Variants in MIIP observed in about 807,000 individuals in gnomAD.
MIIP encodes the protein migration and invasion-inhibitory protein.
A neutral mutation model predicts 44.8 loss-of-function variants in MIIP; 44 were observed. That is an observed-to-expected ratio of 0.98 (90% CI 0.77 to 1.26). The LOEUF (loss-of-function observed/expected upper bound fraction) is 1.26. Among genes scored for constraint, MIIP ranks in the 50% most tolerant of loss-of-function variants. MIIP has a pLI of 0.00. For synonymous variants in MIIP, 225 were observed against 218.3 expected (o/e 1.03, Z -0.27); for missense variants, 496 against 511.7 (o/e 0.97, Z 0.30).
intron 7 of MIIP, 60 bp from the exon 8 acceptor site, chr1:12,029,968 G>A: frequency 6.2e-7 from 1 of 1,609,492 alleles, no homozygotes; most frequent in Non-Finnish European, 8.5e-7. Flanking sequence ...GATGGGCCTG[G>A]GCGTGGGCCC....
rs745902184 is a variant in MIIP, at chr1:12,030,010, C to T, written c.846-18C>T. On this transcript the variant is annotated intron_variant, in intron 7 of 9. Transcript: ENST00000235332. The stretch of plus-strand genomic sequence containing the variant: ...GCTGGGAGGCTCCTCAGGGGTCCCC[C>T]ACTGCCCCCCTGCGCAGGGTGAGCA... 4 of 1,610,986 alleles carry T rather than the reference C, an allele frequency of 2.5e-6. No homozygotes were observed. The Admixed American group carries it at 5.0e-5, about 20-fold the overall frequency.
chr1:12,022,980 C>T, intron 4 of MIIP, 63 bp downstream of exon 4: 1 of 1,328,664 alleles, frequency 7.5e-7, no homozygotes, highest in Non-Finnish European at 1.1e-6. Flanking sequence ...GCCTGGGATC[C>T]TCCATGCTCC....
chr1:12,027,240 T>C (rs946424562), intron 4 of MIIP, among the ~76,000 whole-genome samples: 8 of 152,138 alleles, frequency 5.3e-5, no homozygotes, highest in Admixed American at 1.3e-4. Flanking sequence ...GAACTCCCGA[T>C]GTCAAGTGAT....
chr1:12,029,890 G>C lies in MIIP; in HGVS notation c.841G>C (p.Val281Leu). The C allele has an allele frequency of 6.2e-7, 1 of 1,612,740 alleles. No individual in the cohort carries two copies. Among genetic ancestry groups the C allele is most frequent in the Non-Finnish European group, 8.5e-7 (1 of 1,179,236 alleles). Residue 281 changes from valine (V) to leucine (L), a missense_variant, in exon 7 of 10, where the codon GTC (valine) becomes CTC (leucine). Physicochemically the swap from Val to Leu is conservative, Grantham distance 32. Transcript: ENST00000235332. ...TGGGACCCTGGCGCAGCCAGCGCAC[G>C]TCAGGTGAGTGACCAGAGTATTGGG... ...GPGTLAQPAH[V>L]RVSIPLSILE... is the part of the protein sequence containing the mutation.
chr1:12,021,663 G>A lies in MIIP; in HGVS notation c.-64G>A, dbSNP rs1639977161. ...ACTTCAGGTAGAAGAGCTGGGCCTGGAACCCAGCCCTGAGGACATCCTGCG... is the reference window on the plus strand; with the variant it reads ...ACTTCAGGTAGAAGAGCTGGGCCTGAAACCCAGCCCTGAGGACATCCTGCG... On this transcript the variant is annotated 5_prime_UTR_variant, in exon 2 of 10. Coordinates refer to ENST00000235332, the MANE Select transcript of MIIP (RefSeq NM_021933.4). The A allele has an allele frequency of 4.8e-6, 7 of 1,465,540 alleles. No individual in the cohort carries two copies. The South Asian group carries it at 8.2e-5, about 17-fold the overall frequency. The allele number at this position is 1,465,540 out of a possible 1,614,324, so 90.8% of individuals were successfully genotyped here. A position where few individuals can be genotyped will look rare whatever the true frequency, so the allele number is the denominator to read the frequency against.
chr1:12,024,467 G>A (rs763279425), intron 4 of MIIP, among the ~76,000 whole-genome samples: 27 of 152,184 alleles, frequency 1.8e-4, no homozygotes, highest in Non-Finnish European at 2.6e-4. Context: ...AGGCTAGAGT[G>A]CAATGGCGTG....
chr1:12,031,735 A>T lies in MIIP; in HGVS notation c.1094A>T (p.Gln365Leu). 2.5e-6 allele frequency: 4 copies of T among 1,614,022 alleles called. No homozygotes were observed. Among genetic ancestry groups the T allele is most frequent in the African/African-American group, 1.3e-5 (1 of 75,004 alleles). Reference sequence around the variant, plus strand: ...TTCCCCATCCAGGCCTCACCAATGCAGATGCTGCCCCCGACCCCGACCTGG... The same window carrying T: ...TTCCCCATCCAGGCCTCACCAATGCTGATGCTGCCCCCGACCCCGACCTGG... ...SSPFHPASPM[Q>L]MLPPTPTWSV... The change falls in exon 10 of 10, where the codon CAG (glutamine) becomes CTG (leucine). Residue 365 changes from glutamine to leucine, a missense_variant. Coordinates refer to ENST00000235332, the MANE Select transcript of MIIP (RefSeq NM_021933.4).
intron 4 of MIIP, among the ~76,000 whole-genome samples, chr1:12,024,649 G>T (rs560188273): frequency 1.3e-5 from 2 of 152,114 alleles, no homozygotes; most frequent in Admixed American, 1.3e-4. Flanking sequence ...GACCTCAGGC[G>T]ATCCGCCCGC....
intron 1 of MIIP, among the ~76,000 whole-genome samples, chr1:12,020,509 T>A (rs1639948095): frequency 6.6e-6 from 1 of 152,226 alleles, no homozygotes; most frequent in African/African-American, 2.4e-5. Context: ...GCTTTGTTTT[T>A]TGTATTTTGT....
chr1:12,031,491 G>T lies in MIIP; in HGVS notation c.1080+88G>T. The T allele has an allele frequency of 2.0e-5, 32 of 1,565,502 alleles. No homozygotes were observed. In the South Asian group the frequency reaches 3.6e-4, roughly 18 times the overall value. On this transcript the variant is annotated intron_variant, in intron 9 of 9. Coordinates refer to ENST00000235332, the MANE Select transcript of MIIP (RefSeq NM_021933.4). ...GCCTGGGGACTGCAGAGCCTCCTGG[G>T]GGGTAGGATTGAGGTGGGGAGGATG... is the stretch of plus-strand genomic sequence containing the variant.
rs1263371518 is a variant in MIIP at position 12,030,074 on chromosome 1, A to G, written c.892A>G (p.Ile298Val). Residue 298 changes from isoleucine (I) to valine (V), a missense_variant, in exon 8 of 10, where the codon ATC (isoleucine) becomes GTC (valine). Ile to Val is a conservative substitution (Grantham distance 29). Transcript: ENST00000235332. Reference sequence around the variant, plus strand: ...CCTGGAGCCCCCGCACCGGTACCACATCCACCGGCGAAAGAGCTTTGACGC... The same window carrying G: ...CCTGGAGCCCCCGCACCGGTACCACGTCCACCGGCGAAAGAGCTTTGACGC... ...SILEPPHRYHIHRRKSFDASD... is the reference protein window; with the variant it reads ...SILEPPHRYHVHRRKSFDASD... 14 of 1,613,346 alleles carry G rather than the reference A, an allele frequency of 8.7e-6. No homozygotes were observed. The highest frequency in any genetic ancestry group is 1.0e-5 in the Non-Finnish European group (12 of 1,179,946).
intron 1 of MIIP, among the ~76,000 whole-genome samples, 170 bp downstream of exon 1, chr1:12,019,722 G>T (rs1444773229): frequency 1.3e-5 from 2 of 152,268 alleles, no homozygotes; most frequent in Non-Finnish European, 1.5e-5. Context: ...TTACTTCTGC[G>T]GCCCCGGTGT....
At chr1:12,027,326 A>T (rs1382673411) in intron 4 of MIIP, among the ~76,000 whole-genome samples, 2 of 152,074 alleles carry the variant, frequency 1.3e-5, no homozygotes, top group African/African-American at 4.8e-5. Context: ...ACTATTTCTT[A>T]AATCGGGCTT....
intron 1 of MIIP, among the ~76,000 whole-genome samples, chr1:12,021,414 C>G (rs1018652302): frequency 6.6e-6 from 1 of 150,872 alleles, no homozygotes; most frequent in African/African-American, 2.4e-5. Context: ...AACAAAAAAA[C>G]AAAACAAAAA....
chr1:12,029,773 T>C lies in MIIP; in HGVS notation c.724T>C (p.Cys242Arg). The C allele has an allele frequency of 3.1e-6, 5 of 1,612,932 alleles. No individual in the cohort carries two copies. Among genetic ancestry groups the C allele is most frequent in the Non-Finnish European group, 4.2e-6 (5 of 1,179,312 alleles). Residue 242 changes from cysteine to arginine, a missense_variant, in exon 7 of 10, where the codon TGT becomes CGT. Transcript: ENST00000235332. ...TCTCATGGGCCTCGCAGGCGTGTAC[T>C]GTTACCGTGTCAACCGGCGCCTGTT... The part of the protein sequence containing the change: ...GVEEDHECVY[C>R]YRVNRRLFPV...
rs752543971 is a variant in MIIP at position 12,030,137 on chromosome 1, G to C, written c.942+13G>C. The C allele has an allele frequency of 2.5e-6, 4 of 1,610,800 alleles. No homozygotes were observed. The highest frequency in any genetic ancestry group is 3.4e-6 in the Non-Finnish European group (4 of 1,178,700). On this transcript the variant is annotated intron_variant, in intron 8 of 9. Transcript: ENST00000235332. ...GGCCCTGCCCCGGGTGAGCAGCCACGTGGGGCTGGATGGTGATGAGGGCGG... is the reference window on the plus strand; with the variant it reads ...GGCCCTGCCCCGGGTGAGCAGCCACCTGGGGCTGGATGGTGATGAGGGCGG...
intron 4 of MIIP, among the ~76,000 whole-genome samples, chr1:12,023,210 A>C (rs1432211220): frequency 7.0e-6 from 1 of 142,154 alleles, no homozygotes; most frequent in African/African-American, 2.6e-5. Flanking sequence ...ATTACAGGCG[A>C]GCACCACCAC....
At chr1:12,021,946 T>C (rs1639985175) in intron 2 of MIIP, 106 bp downstream of exon 2, 2 of 1,238,244 alleles carry the variant, frequency 1.6e-6, no homozygotes, top group African/African-American at 3.0e-5. Flanking sequence ...TTACTGATGA[T>C]GGGACATTGA....
chr1:12,027,399 A>G (rs905254009), intron 4 of MIIP, among the ~76,000 whole-genome samples: 5 of 151,820 alleles, frequency 3.3e-5, no homozygotes, highest in African/African-American at 1.2e-4. Context: ...CGTGGTGCCA[A>G]CTCCCCAGCT....
Sources: allele counts gnomAD v4.1 joint callset (sites outside exome capture counted in the v4.1 genomes callset), GRCh38; gene constraint gnomAD v4.1.1; transcripts MANE v1.5; gene names NCBI Gene and HGNC (gene_info 2026-07-23, HGNC 2026-07-21).